The following OR56A3 variants were observed in gnomAD, a reference collection of about 807,000 sequenced individuals.
OR56A3 encodes olfactory receptor family 56 subfamily A member 3, also known as olfactory receptor 56A3.
Under a neutral mutation model 17.5 loss-of-function variants are expected in OR56A3, and 23 were observed. That is an observed-to-expected ratio of 1.32 (90% confidence interval 0.95 to 1.87). The LOEUF is 1.87. Among genes scored for constraint, OR56A3 ranks in the 40% most tolerant of loss-of-function variants. The pLI is 0.00. For synonymous variants in OR56A3, 175 were observed against 150.6 expected (o/e 1.16, Z -1.19); for missense variants, 366 against 380.1 (o/e 0.96, Z 0.31).
At chr11:5,953,642 A>G (rs1338187560), downstream of OR56A3, among the ~76,000 whole-genome samples, 1 of 152,154 alleles carries the variant, frequency 6.6e-6, no homozygotes, top group Non-Finnish European at 1.5e-5. Flanking sequence ...ACCAGGACAC[A>G]TTGTTCTTTC....
the OR56A3 span, among the ~76,000 whole-genome samples, chr11:5,969,922 T>A: frequency 4.2e-3 from 390 of 92,800 alleles, 4 homozygotes; most frequent in African/African-American, 0.019. Context: ...GATAGTGATA[T>A]AAAGACAGTG....
At chr11:5,975,902 A>G in the OR56A3 span, among the ~76,000 whole-genome samples, 3,513 of 152,054 alleles carry the variant, frequency 0.023, 131 homozygotes, top group African/African-American at 0.08. Context: ...TTAAAGTATA[A>G]TAATAATATT....
At chr11:5,957,451 T>C in the OR56A3 span, among the ~76,000 whole-genome samples, 1 of 152,204 alleles carries the variant, frequency 6.6e-6, no homozygotes, top group Non-Finnish European at 1.5e-5. Context: ...AAACAGTGAG[T>C]GAAAACATAT....
chr11:6,003,079 T>C, the OR56A3 span: 1 of 1,609,814 alleles, frequency 6.2e-7, no homozygotes, highest in African/African-American at 1.3e-5. Context: ...ATTCTAGACG[T>C]AGTAGAGTGT....
chr11:6,002,165 G>A, the OR56A3 span: 1 of 1,614,092 alleles, frequency 6.2e-7, no homozygotes, highest in Non-Finnish European at 8.5e-7. Context: ...TGAGCAGGAT[G>A]GGGACATCTG....
At chr11:5,970,761 C>T in the OR56A3 span, among the ~76,000 whole-genome samples, 1 of 152,022 alleles carries the variant, frequency 6.6e-6, no homozygotes, top group African/African-American at 2.4e-5. Context: ...ACAAATCACA[C>T]CACTGCCTAA....
the OR56A3 span, among the ~76,000 whole-genome samples, chr11:6,016,306 A>T: frequency 0.68 from 103,321 of 152,028 alleles, 35,438 homozygotes; most frequent in East Asian, 0.94. Context: ...GTACAGCCTG[A>T]GGAACCATGA....
chr11:5,988,979 T>C, the OR56A3 span, among the ~76,000 whole-genome samples: 2 of 152,228 alleles, frequency 1.3e-5, no homozygotes, highest in African/African-American at 2.4e-5. Context: ...AATGCATCCA[T>C]AGATTACTCA....
chr11:5,957,922 A>T, the OR56A3 span, among the ~76,000 whole-genome samples: 1 of 152,180 alleles, frequency 6.6e-6, no homozygotes, highest in Non-Finnish European at 1.5e-5. Context: ...TAAATATGAA[A>T]TTCTAGTTAT....
At chr11:6,011,117 C>T in the OR56A3 span, among the ~76,000 whole-genome samples, 1 of 151,824 alleles carries the variant, frequency 6.6e-6, no homozygotes, top group East Asian at 1.9e-4. Flanking sequence ...GTCTATCAGT[C>T]TTATTACATC....
the OR56A3 span, among the ~76,000 whole-genome samples, chr11:6,018,401 G>A: frequency 6.6e-6 from 1 of 151,848 alleles, no homozygotes; most frequent in East Asian, 1.9e-4. Context: ...CTAAAACTTT[G>A]GAAACTGTAC....
At chr11:5,977,173 A>C in the OR56A3 span, among the ~76,000 whole-genome samples, 2 of 152,186 alleles carry the variant, frequency 1.3e-5, no homozygotes, top group Non-Finnish European at 2.9e-5. Flanking sequence ...TCCAATGAAC[A>C]TTCAAATGCA....
chr11:6,009,784 A>G, the OR56A3 span, among the ~76,000 whole-genome samples: 11 of 152,336 alleles, frequency 7.2e-5, no homozygotes, highest in Admixed American at 5.9e-4. Context: ...GAATCTGAAG[A>G]TAATTCAGCC....
At chr11:6,006,961 A>G in the OR56A3 span, 1 of 152,342 alleles carries the variant, frequency 6.6e-6, no homozygotes, top group Non-Finnish European at 1.5e-5. Context: ...GCTGTTTTCT[A>G]CAGGAGCTGC....
the OR56A3 span, among the ~76,000 whole-genome samples, chr11:6,010,156 C>A: frequency 6.6e-6 from 1 of 152,116 alleles, no homozygotes; most frequent in South Asian, 2.1e-4. Flanking sequence ...CCATTTTAAA[C>A]ATAGCTATGT....
At chr11:5,963,319 T>C in the OR56A3 span, among the ~76,000 whole-genome samples, 3 of 152,190 alleles carry the variant, frequency 2.0e-5, no homozygotes, top group African/African-American at 7.2e-5. Context: ...TGTTTATTGC[T>C]ATAGCCTTCC....
At chr11:5,953,069 G>A (rs1847916478), downstream of OR56A3, among the ~76,000 whole-genome samples, 1 of 152,160 alleles carries the variant, frequency 6.6e-6, no homozygotes, top group Non-Finnish European at 1.5e-5. Context: ...GGGCACCTAG[G>A]CTGATTCTAT....
chr11:5,948,221 A>C lies in OR56A3; in HGVS notation c.875A>C (p.Asn292Thr), dbSNP rs758980178. Residue 292 changes from asparagine (N) to threonine (T), a missense_variant, in exon 3 of 3, where the codon AAC becomes ACC. Transcript: ENST00000641160. Reference sequence around the variant, plus strand: ...CACCATGTCATTCCTGCAGCCCTTAACCCCATCATTTACGGGGTGAGAACC... The same window carrying C: ...CACCATGTCATTCCTGCAGCCCTTACCCCCATCATTTACGGGGTGAGAACC... ...VLHHVIPAALNPIIYGVRTQE... is the reference protein window; with the variant it reads ...VLHHVIPAALTPIIYGVRTQE... The C allele has an allele frequency of 3.1e-6, 5 of 1,614,044 alleles. No homozygotes were observed. Among genetic ancestry groups the C allele is most frequent in the Non-Finnish European group, 3.4e-6 (4 of 1,180,018 alleles).
At chr11:5,968,405 C>G in the OR56A3 span, 1 of 1,611,434 alleles carries the variant, frequency 6.2e-7, no homozygotes, top group Non-Finnish European at 8.5e-7. Flanking sequence ...GGGGCAGAGA[C>G]AGCCAGTGCT....
Sources: gnomAD v4.1 joint callset for allele counts (sites outside exome capture counted in the v4.1 genomes callset) on GRCh38, gnomAD v4.1.1 for gene constraint, MANE v1.5 for transcripts, NCBI Gene and HGNC (gene_info 2026-07-23, HGNC 2026-07-21) for gene names.